The following TENM2 variants were observed in gnomAD, a reference collection of about 807,000 sequenced individuals.
TENM2 encodes teneurin-2.
A neutral mutation model predicts 245.2 loss-of-function variants in TENM2; 52 were observed. The observed-to-expected ratio is 0.21, with a 90% confidence interval of 0.17 to 0.27. The LOEUF (loss-of-function observed/expected upper bound fraction) is 0.27. Among genes scored for constraint, TENM2 ranks in the 10% least tolerant of loss-of-function variants. The pLI, the probability that TENM2 is intolerant of heterozygous loss-of-function variation, is 1.00. For synonymous variants in TENM2, 1,363 were observed against 1,438.9 expected (o/e 0.95, Z 1.19); for missense variants, 3,046 against 3,666.8 (o/e 0.83, Z 4.37).
At chr5:167,928,212 C>T (rs1777909359) in intron 3 of TENM2, among the ~76,000 whole-genome samples, 1 of 152,146 alleles carries the variant, frequency 6.6e-6, no homozygotes. Context: ...TTTCCTTACC[C>T]TCTCTAGGAG....
intron 1 of TENM2, among the ~76,000 whole-genome samples, chr5:167,304,456 A>G (rs1755545184): frequency 1.3e-5 from 2 of 152,202 alleles, no homozygotes; most frequent in African/African-American, 4.8e-5. Flanking sequence ...TTCATTTTTA[A>G]AAGTCACTGT....
intron 3 of TENM2, among the ~76,000 whole-genome samples, chr5:167,924,416 G>A (rs1480182104): frequency 6.6e-6 from 1 of 152,216 alleles, no homozygotes; most frequent in African/African-American, 2.4e-5. Context: ...AGCATGCAGA[G>A]TAGGCAAGAA....
chr5:167,688,261 A>G (rs530716143), intron 2 of TENM2, among the ~76,000 whole-genome samples: 1 of 152,132 alleles, frequency 6.6e-6, no homozygotes, highest in Non-Finnish European at 1.5e-5. Flanking sequence ...GCGTTTTACT[A>G]TTGCTTTATA....
At chr5:168,029,790 G>A (rs773629525) in intron 5 of TENM2, among the ~76,000 whole-genome samples, 7 of 152,132 alleles carry the variant, frequency 4.6e-5, no homozygotes, top group Non-Finnish European at 7.4e-5. Flanking sequence ...GGCTTAAATC[G>A]TTAGTCTTCC....
chr5:167,518,503 T>C (rs1046033402), intron 2 of TENM2, among the ~76,000 whole-genome samples: 1 of 152,188 alleles, frequency 6.6e-6, no homozygotes, highest in African/African-American at 2.4e-5. Flanking sequence ...TGTTTGTAAT[T>C]GTATATGGCA....
chr5:167,214,755 C>A, the TENM2 span, among the ~76,000 whole-genome samples: 1 of 152,024 alleles, frequency 6.6e-6, no homozygotes, highest in Admixed American at 6.5e-5. Context: ...ACTAAGGGAC[C>A]CGATGAATGA....
chr5:167,418,127 C>T (rs960091835), intron 2 of TENM2, among the ~76,000 whole-genome samples: 1 of 151,942 alleles, frequency 6.6e-6, no homozygotes, highest in Non-Finnish European at 1.5e-5. Context: ...GTCAGGAGTT[C>T]GAGAACAGCC....
rs942296544 is a variant in TENM2 at position 167,642,523 on chromosome 5, GT to G, written c.503-233456del. Among the ~76,000 whole-genome samples the G allele has an allele frequency of 1.7e-3, 252 of 152,136 alleles. 1 individual carries two copies. Among genetic ancestry groups the G allele is most frequent in the Non-Finnish European group, 2.1e-3 (141 of 68,000 alleles). The stretch of plus-strand genomic sequence containing the variant: ...TTCCTACACACAAACATATACATTT[GT>G]TTTTTTATACACACACACACTCATG... On this transcript the variant is annotated intron_variant, in intron 2 of 28. Transcript: ENST00000518659.
At chr5:168,227,545 C>G (rs1415328794) in intron 24 of TENM2, among the ~76,000 whole-genome samples, 3 of 144,016 alleles carry the variant, frequency 2.1e-5, no homozygotes, top group Non-Finnish European at 4.5e-5. Context: ...CTGGTATAAG[C>G]TAAAATATAT....
intron 8 of TENM2, among the ~76,000 whole-genome samples, chr5:168,095,241 G>A (rs1031568310): frequency 1.3e-5 from 2 of 152,088 alleles, no homozygotes; most frequent in Admixed American, 6.5e-5. Context: ...AAAGGTTGGG[G>A]ACCGCTGGTC....
chr5:167,053,487 T>G, the TENM2 span, among the ~76,000 whole-genome samples: 3 of 152,172 alleles, frequency 2.0e-5, no homozygotes, highest in Non-Finnish European at 4.4e-5. Context: ...TACATTTTAC[T>G]TAGTGCTTCA....
chr5:167,753,097 G>C (rs1235061304), intron 2 of TENM2, among the ~76,000 whole-genome samples: 1 of 152,140 alleles, frequency 6.6e-6, no homozygotes, highest in African/African-American at 2.4e-5. Context: ...CTAGGAGTTT[G>C]CATTCTTAGA....
At chr5:167,622,692 A>C (rs1283471636) in intron 2 of TENM2, among the ~76,000 whole-genome samples, 1 of 152,100 alleles carries the variant, frequency 6.6e-6, no homozygotes, top group African/African-American at 2.4e-5. Flanking sequence ...AGACATGACA[A>C]TTGCTTTAAG....
Position 167,411,825 on chromosome 5 carries a change from G to A in TENM2, c.502+36352G>A, listed in dbSNP as rs533410520. ...TATCGAATGCACCTGAAACAATCAC[G>A]AGTTAACTTTTCCATCTTTCAATTA... is the stretch of plus-strand genomic sequence containing the variant. On this transcript the variant is annotated intron_variant, in intron 2 of 28. Coordinates refer to ENST00000518659, the Ensembl canonical transcript of TENM2. 9.2e-5 allele frequency among the ~76,000 whole-genome samples: 14 copies of A among 152,068 alleles called. No homozygotes were observed. The East Asian group carries it at 2.3e-3, about 25-fold the overall frequency.
At chr5:167,748,708 G>C (rs1761753866) in intron 2 of TENM2, among the ~76,000 whole-genome samples, 1 of 152,208 alleles carries the variant, frequency 6.6e-6, no homozygotes, top group Non-Finnish European at 1.5e-5. Flanking sequence ...GGTGGAGCAG[G>C]CATGTCTTAT....
At chr5:167,950,614 T>C (rs1780009033) in intron 3 of TENM2, among the ~76,000 whole-genome samples, 1 of 152,044 alleles carries the variant, frequency 6.6e-6, no homozygotes, top group South Asian at 2.1e-4. Flanking sequence ...GGATGGGAGT[T>C]GAGAGAGGGG....
At chr5:167,335,118 C>CA (rs989864237) in intron 1 of TENM2, among the ~76,000 whole-genome samples, 40 of 152,170 alleles carry the variant, frequency 2.6e-4, no homozygotes, top group Admixed American at 1.7e-3. Flanking sequence ...GTAGGCTGTA[C>CA]AGGCAGCATG....
chr5:167,131,133 A>G, the TENM2 span, among the ~76,000 whole-genome samples: 1 of 152,116 alleles, frequency 6.6e-6, no homozygotes, highest in Non-Finnish European at 1.5e-5. Flanking sequence ...GCTTAGCAAT[A>G]TCTCATCATG....
chr5:167,605,732 C>T (rs1040044060), intron 2 of TENM2, among the ~76,000 whole-genome samples: 8 of 152,154 alleles, frequency 5.3e-5, no homozygotes, highest in African/African-American at 1.9e-4. Context: ...TGATCGTGTA[C>T]CAGGTAAATT....
Sources: allele counts gnomAD v4.1 joint callset (sites outside exome capture counted in the v4.1 genomes callset), GRCh38; gene constraint gnomAD v4.1.1; transcripts MANE v1.5; gene names NCBI Gene and HGNC (gene_info 2026-07-23, HGNC 2026-07-21).